The following CPLANE1 variants were observed in gnomAD, a reference collection of about 807,000 sequenced individuals.
CPLANE1 encodes ciliogenesis and planar polarity effector complex subunit 1.
A neutral mutation model predicts 362.5 loss-of-function variants in CPLANE1; 263 were observed. The observed-to-expected ratio is 0.73, with a 90% CI of 0.66 to 0.80. The LOEUF (loss-of-function observed/expected upper bound fraction) is 0.80. Among genes scored for constraint, CPLANE1 ranks in the 30% least tolerant of loss-of-function variants. CPLANE1 has a pLI of 0.00. For missense variants in CPLANE1, 3,461 were observed against 3,793.4 expected (o/e 0.91, Z 2.30); for synonymous variants, 1,212 against 1,302.6 (o/e 0.93, Z 1.50).
intron 16 of CPLANE1, chr5:37,210,657 A>G (rs1288645555): frequency 1.6e-5 from 26 of 1,590,636 alleles, no homozygotes; most frequent in Non-Finnish European, 2.2e-5. Context: ...TGAAAAGGTT[A>G]AAGTGATGAG....
Position 37,198,779 on chromosome 5 carries a change from G to A in CPLANE1, c.3595C>T (p.Arg1199Trp), listed in dbSNP as rs374075447. 26 of 1,614,048 alleles carry A rather than the reference G, an allele frequency of 1.6e-5. No individual in the cohort carries two copies. Among genetic ancestry groups the A allele is most frequent in the Admixed American group, 8.3e-5 (5 of 60,010 alleles). Residue 1199 changes from arginine to tryptophan, a missense_variant, in exon 20 of 53, where the codon CGG becomes TGG. Physicochemically the swap from Arg to Trp is moderately radical, Grantham distance 101. Around this residue, in one of 2 missense-constraint regions of CPLANE1, gnomAD observed 3,380 missense variants for 3,666.1 expected, o/e 0.92. Coordinates refer to ENST00000651892, the MANE Select transcript of CPLANE1 (RefSeq NM_001384732.1). ...ACAGGAAAAGAACACTGAGCCGCCC[G>A]GAAAAGCAGGAGAACACGCTGAAGG... ...GILQRVLLLF[R>W]AAQCSFPVAQ...
At chr5:37,078,055 A>G in the CPLANE1 span, among the ~76,000 whole-genome samples, 1 of 152,180 alleles carries the variant, frequency 6.6e-6, no homozygotes, top group Non-Finnish European at 1.5e-5. Context: ...ACAATTTTTT[A>G]TCTTCAGCTT....
At chr5:37,197,451 G>A (rs929784051) in intron 20 of CPLANE1, among the ~76,000 whole-genome samples, 1 of 152,138 alleles carries the variant, frequency 6.6e-6, no homozygotes, top group Non-Finnish European at 1.5e-5. Context: ...ACAGCCACAT[G>A]CAACTGAATT....
chr5:37,170,427 C>G (rs1779457478), intron 32 of CPLANE1, 96 bp from the exon 33 acceptor site: 1 of 1,239,082 alleles, frequency 8.1e-7, no homozygotes, highest in Non-Finnish European at 1.1e-6. Context: ...AATAGTCACA[C>G]GTTTGTCTTA....
At position 37,142,401 on chromosome 5, in the gene CPLANE1, T is replaced by G; in HGVS notation, c.8541A>C (p.Glu2847Asp). The G allele has an allele frequency of 6.2e-7, 1 of 1,611,642 alleles. No homozygotes were observed. The highest frequency in any genetic ancestry group is 8.5e-7 in the Non-Finnish European group (1 of 1,179,082). ...ETSEPEFSIT[E>D]NYSGQKTCVF... Reference sequence around the variant, plus strand: ...CACAGGTTTTCTGACCAGAATAATTTTCTGTTATTGAAAATTCAGGTTCTG... The same window carrying G: ...CACAGGTTTTCTGACCAGAATAATTGTCTGTTATTGAAAATTCAGGTTCTG... Residue 2847 changes from glutamate (E) to aspartate (D), a missense_variant, in exon 44 of 53, where the codon GAA becomes GAC. Physicochemically the swap from Glu to Asp is conservative, Grantham distance 45 (BLOSUM62 2). This residue lies in a region of CPLANE1 where 3,380 missense variants were observed against 3,666.1 expected (regional missense o/e 0.92). Transcript: ENST00000651892.
At chr5:37,211,091 C>A in intron 16 of CPLANE1, 1 of 959,288 alleles carries the variant, frequency 1.0e-6, no homozygotes, top group Non-Finnish European at 1.7e-6. Context: ...TAATAAATGG[C>A]AACATGGTGC....
the CPLANE1 span, among the ~76,000 whole-genome samples, chr5:37,098,105 C>A: frequency 1.3e-5 from 2 of 151,970 alleles, no homozygotes; most frequent in Admixed American, 6.6e-5. Flanking sequence ...AAAACCTACT[C>A]ACAGCAGGCC....
rs544477214 is a variant in CPLANE1 at position 37,125,643 on chromosome 5, TC to T, written c.8793-235del. On this transcript the variant is annotated intron_variant, in intron 46 of 52. Coordinates refer to ENST00000651892, the MANE Select transcript of CPLANE1 (RefSeq NM_001384732.1). The stretch of plus-strand genomic sequence containing the variant: ...TACCTTAAACTCGATTTTCCCTTCT[TC>T]TTTAAACTCTATCTTACCTGAGTCT... Among the ~76,000 whole-genome samples the T allele has an allele frequency of 3.1e-3, 469 of 152,290 alleles. 4 individuals carry two copies. The highest frequency in any genetic ancestry group is 7.5e-3 in the South Asian group (36 of 4,826).
chr5:37,218,975 G>C (rs1381646065), intron 15 of CPLANE1, among the ~76,000 whole-genome samples: 1 of 151,440 alleles, frequency 6.6e-6, no homozygotes, highest in Non-Finnish European at 1.5e-5. Flanking sequence ...TAAAACAAAT[G>C]AATTACTACA....
At chr5:37,238,495 T>C (rs912211438) in intron 8 of CPLANE1, among the ~76,000 whole-genome samples, 5 of 139,094 alleles carry the variant, frequency 3.6e-5, no homozygotes, top group South Asian at 2.4e-4. Flanking sequence ...TTCTTTTTTT[T>C]TTTTTTTTTT....
At chr5:37,113,819 T>C (rs952510059) in intron 51 of CPLANE1, among the ~76,000 whole-genome samples, 3 of 152,160 alleles carry the variant, frequency 2.0e-5, no homozygotes, top group African/African-American at 4.8e-5. Context: ...GTTTTTTTGT[T>C]TTGTTTTGTT....
intron 37 of CPLANE1, among the ~76,000 whole-genome samples, chr5:37,162,903 C>A (rs1171126273): frequency 6.6e-6 from 1 of 152,204 alleles, no homozygotes; most frequent in East Asian, 1.9e-4. Flanking sequence ...TGGTCTCAAA[C>A]TCCTGACCTC....
Position 37,208,592 on chromosome 5 carries a change from G to A in CPLANE1, c.2921-2167C>T, listed in dbSNP as rs529840626. Among the ~76,000 whole-genome samples the A allele has an allele frequency of 6.6e-5, 10 of 151,928 alleles. No individual in the cohort carries two copies. The South Asian group carries it at 2.1e-3, about 32-fold the overall frequency. On this transcript the variant is annotated intron_variant, in intron 16 of 52. Transcript: ENST00000651892. ...CTCAGGAGGCTGAGGCAGGAGAATG[G>A]CACGAGCCCAGGAGGCGGAGCTTGC...
chr5:37,239,978 T>C (rs1282294027), intron 6 of CPLANE1, 109 bp from the exon 7 acceptor site: 3 of 669,994 alleles, frequency 4.5e-6, no homozygotes, highest in Admixed American at 6.6e-5. Flanking sequence ...CATGTGCACA[T>C]GTACTTAGGG....
chr5:37,133,551 G>C (rs1426310386), intron 46 of CPLANE1, among the ~76,000 whole-genome samples: 3 of 151,766 alleles, frequency 2.0e-5, no homozygotes, highest in Non-Finnish European at 2.9e-5. Flanking sequence ...AAATGGGACT[G>C]CATTCTTGCT....
intron 37 of CPLANE1, among the ~76,000 whole-genome samples, 169 bp downstream of exon 37, chr5:37,164,104 T>G (rs1777607236): frequency 6.6e-6 from 1 of 152,224 alleles, no homozygotes; most frequent in Non-Finnish European, 1.5e-5. Context: ...TCTGTGGGTT[T>G]TCTAGTCAAT....
chr5:37,182,649 T>TC, intron 26 of CPLANE1, 111 bp downstream of exon 26: 1 of 720,188 alleles, frequency 1.4e-6, no homozygotes. Flanking sequence ...ATCAACATTG[T>TC]CATTAATTTT....
intron 42 of CPLANE1, among the ~76,000 whole-genome samples, chr5:37,151,131 C>G (rs753539588): frequency 1.3e-5 from 2 of 152,174 alleles, no homozygotes; most frequent in African/African-American, 2.4e-5. Flanking sequence ...CCTCTCCTAC[C>G]TCTACTGCCA....
intron 51 of CPLANE1, among the ~76,000 whole-genome samples, chr5:37,112,289 G>A (rs1759579939): frequency 6.6e-6 from 1 of 152,040 alleles, no homozygotes; most frequent in Non-Finnish European, 1.5e-5. Context: ...GCTATCACTG[G>A]GTTTCTCTCA....
Sources: gnomAD v4.1 joint callset for allele counts (sites outside exome capture counted in the v4.1 genomes callset) on GRCh38, gnomAD v4.1.1 for gene constraint, gnomAD v4.1.1 regional missense constraint, MANE v1.5 for transcripts, NCBI Gene and HGNC (gene_info 2026-07-23, HGNC 2026-07-21) for gene names.